Variants in LRRC27 observed in about 807,000 individuals in gnomAD.
LRRC27 encodes leucine rich repeat containing 27.
LRRC27 carries 57 observed loss-of-function variants against 55.0 expected under a neutral mutation model. That is an observed-to-expected ratio of 1.04 (90% CI 0.84 to 1.29). The LOEUF (loss-of-function observed/expected upper bound fraction) is 1.29. LRRC27 is among the 50% of genes most tolerant of loss of function. The pLI is 0.00. For missense variants in LRRC27, 721 were observed against 651.5 expected (o/e 1.11, Z -1.16); for synonymous variants, 278 against 251.9 (o/e 1.10, Z -0.98).
At chr10:132,331,981 G>C, upstream of LRRC27, 1 of 461,360 alleles carries the variant, frequency 2.2e-6, no homozygotes, top group East Asian at 3.8e-5. Context: ...CCCCTCCCGG[G>C]CAGGCGCACC....
rs2069338150 is a variant in LRRC27, at chr10:132,376,428, G to A, written c.*1186G>A. On this transcript the variant is annotated 3_prime_UTR_variant, in exon 11 of 11. Transcript: ENST00000368614. Reference sequence around the variant, plus strand: ...TTCCATTCAGGAAGCTAGAAAAGGTGTCAGTGACCTGTTGCGGCCCAGCGG... The same window carrying A: ...TTCCATTCAGGAAGCTAGAAAAGGTATCAGTGACCTGTTGCGGCCCAGCGG... The A allele has an allele frequency of 6.6e-6, 1 of 152,284 alleles. No homozygotes were observed. Among genetic ancestry groups the A allele is most frequent in the African/African-American group, 2.4e-5 (1 of 41,472 alleles). The allele number at this position is 152,284 out of a possible 1,614,324, so 9.4% of individuals were successfully genotyped here. A position where few individuals can be genotyped will look rare whatever the true frequency, so the allele number is the denominator to read the frequency against.
In LRRC27 at chr10:132,370,293, T is replaced by C. The variant is rs3750854; in HGVS notation, c.1416+4743T>C. On this transcript the variant is annotated intron_variant, in intron 10 of 10. Coordinates refer to ENST00000368614, the MANE Select transcript of LRRC27 (RefSeq NM_030626.3). The stretch of plus-strand genomic sequence containing the variant: ...CACCGGCTCCTGTCGTGTGCCCAAC[T>C]CCAAGTTACTGCCAAGATCCAGGGA... Among the ~76,000 whole-genome samples the C allele has an allele frequency of 8.3e-4, 127 of 152,212 alleles. 2 individuals carry two copies. The East Asian group carries it at 0.021, about 25-fold the overall frequency.
At chr10:132,361,345 C>T (rs773322482) in intron 8 of LRRC27, 112 bp from the exon 9 acceptor site, 24 of 926,474 alleles carry the variant, frequency 2.6e-5, no homozygotes, top group Middle Eastern at 2.2e-4. Flanking sequence ...GGGGCGGCCT[C>T]GGACCCACCT....
intron 8 of LRRC27, among the ~76,000 whole-genome samples, chr10:132,357,261 C>T (rs567966768): frequency 2.5e-4 from 38 of 152,326 alleles, no homozygotes; most frequent in Middle Eastern, 6.8e-3. Context: ...GACACTCAGT[C>T]GCCATCTTTG....
chr10:132,340,267 A>G (rs1262914295), intron 3 of LRRC27, among the ~76,000 whole-genome samples: 2 of 152,250 alleles, frequency 1.3e-5, no homozygotes, highest in African/African-American at 2.4e-5. Flanking sequence ...TTTATCGTTT[A>G]AAGTGTGCTC....
chr10:132,337,859 C>A (rs1396075656), intron 3 of LRRC27, among the ~76,000 whole-genome samples, 164 bp downstream of exon 3: 1 of 152,120 alleles, frequency 6.6e-6, no homozygotes, highest in Non-Finnish European at 1.5e-5. Context: ...CTGAATGTAC[C>A]CAACACAGAA....
At chr10:132,330,672 ATTTTTTTTTT>A (rs57850207), upstream of LRRC27, among the ~76,000 whole-genome samples, 2 of 126,944 alleles carry the variant, frequency 1.6e-5, no homozygotes, top group African/African-American at 6.0e-5. Flanking sequence ...CACACCCAGC[ATTTTTTTTTT>A]TTTTTTTTTT....
chr10:132,367,457 G>A (rs2069125220), intron 10 of LRRC27, among the ~76,000 whole-genome samples: 1 of 152,214 alleles, frequency 6.6e-6, no homozygotes, highest in Non-Finnish European at 1.5e-5. Context: ...GAAAGGAAAA[G>A]TGTAGACCAA....
In LRRC27 at chr10:132,378,652, C is replaced by T. The variant is rs2069370199; in HGVS notation, c.*3410C>T. ...GTGGTTTTAGATTTACGAATCCTGTCTTCTGTTGTGTCCCACAGAAAAACC... is the reference window on the plus strand; with the variant it reads ...GTGGTTTTAGATTTACGAATCCTGTTTTCTGTTGTGTCCCACAGAAAAACC... On this transcript the variant is annotated 3_prime_UTR_variant, in exon 11 of 11. Transcript: ENST00000368614. The T allele has an allele frequency of 6.6e-6, 1 of 152,248 alleles. No homozygotes were observed. The highest frequency in any genetic ancestry group is 1.5e-5 in the Non-Finnish European group (1 of 68,056). 9.4% of individuals were successfully genotyped at this position (152,248 alleles called of 1,614,324 possible).
intron 7 of LRRC27, among the ~76,000 whole-genome samples, chr10:132,354,854 G>A (rs2068234306): frequency 6.6e-6 from 1 of 152,230 alleles, no homozygotes; most frequent in African/African-American, 2.4e-5. Flanking sequence ...ACCAACCACA[G>A]GAGTCCTGCA....
Position 132,364,485 on chromosome 10 carries a change from A to AT in LRRC27, c.1290-939_1290-938insT, listed in dbSNP as rs1564853664. ...CCCACCCACACTTACACCCACCCACACTTACACCCACCCTTACATCTACCT... is the reference window on the plus strand; with the variant it reads ...CCCACCCACACTTACACCCACCCACATCTTACACCCACCCTTACATCTACCT... On this transcript the variant is annotated intron_variant, in intron 9 of 10. Coordinates refer to ENST00000368614, the MANE Select transcript of LRRC27 (RefSeq NM_030626.3). Among the ~76,000 whole-genome samples, 18 of 96,206 alleles carry AT rather than the reference A, an allele frequency of 1.9e-4. 3 individuals are homozygous for AT. The highest frequency in any genetic ancestry group is 5.6e-4 in the East Asian group (2 of 3,592). The allele number at this position is 96,206 out of a possible 152,430, so 63.1% of individuals were successfully genotyped here. A position where few individuals can be genotyped will look rare whatever the true frequency, so the allele number is the denominator to read the frequency against.
Position 132,375,367 on chromosome 10 carries a change from C to CGAAA in LRRC27, c.*126_*127insAAAG. The CGAAA allele has an allele frequency of 3.7e-6, 3 of 821,322 alleles. No individual in the cohort carries two copies. The highest frequency in any genetic ancestry group is 1.8e-5 in the South Asian group (1 of 55,278). 50.9% of individuals were successfully genotyped at this position (821,322 alleles called of 1,614,324 possible). A position where few individuals can be genotyped will look rare whatever the true frequency, so the allele number is the denominator to read the frequency against. On this transcript the variant is annotated 3_prime_UTR_variant, in exon 11 of 11. Transcript: ENST00000368614. ...TCAGTGTTACCCTGAGGGCTGATTT[C>CGAAA]GCGCAGCCTGTTGTTTTCCTTAGAC...
Position 132,348,846 on chromosome 10 carries a change from G to A in LRRC27, c.926+490G>A. The A allele has an allele frequency of 1.5e-6, 1 of 678,286 alleles. No homozygotes were observed. Among genetic ancestry groups the A allele is most frequent in the Admixed American group, 2.5e-5 (1 of 39,808 alleles). The allele number at this position is 678,286 out of a possible 1,614,324, so 42.0% of individuals were successfully genotyped here. On this transcript the variant is annotated intron_variant, in intron 6 of 10. Coordinates refer to ENST00000368614, the MANE Select transcript of LRRC27 (RefSeq NM_030626.3). This position sits in a 1 kb window ranked among gnomAD's most constrained non-coding sequence, Gnocchi z 4.2. ...AAGGTCAGTTATGCAGAAAATAAAT[G>A]GCAGCTGCCTGGGGACAAAAGGAAG... is the stretch of plus-strand genomic sequence containing the variant.
rs1050443420 is a variant in LRRC27 at position 132,366,972 on chromosome 10, G to A, written c.1416+1422G>A. On this transcript the variant is annotated intron_variant, in intron 10 of 10. Transcript: ENST00000368614. The stretch of plus-strand genomic sequence containing the variant: ...TCCTCAGCCCAAGGAGTTTGTATCT[G>A]CCTTTAGATAAACTCTTATTCTTTC... 5.5e-6 allele frequency: 7 copies of A among 1,269,710 alleles called. No homozygotes were observed. The African/African-American group carries it at 9.2e-5, about 17-fold the overall frequency. The allele number at this position is 1,269,710 out of a possible 1,614,324, so 78.7% of individuals were successfully genotyped here.
At chr10:132,347,734 G>A (rs1156540088) in intron 5 of LRRC27, among the ~76,000 whole-genome samples, 3 of 152,186 alleles carry the variant, frequency 2.0e-5, no homozygotes, top group African/African-American at 7.2e-5. Context: ...GTGTGGGAGA[G>A]TCCAGGTGTG....
At chr10:132,364,655 T>G (rs2068929243) in intron 9 of LRRC27, among the ~76,000 whole-genome samples, 1 of 67,144 alleles carries the variant, frequency 1.5e-5, no homozygotes, top group South Asian at 5.2e-4. Context: ...CACCCACACT[T>G]ACATCTACCT....
At chr10:132,336,709 G>A (rs1346004307) in intron 2 of LRRC27, 2 of 726,776 alleles carry the variant, frequency 2.8e-6, no homozygotes, top group African/African-American at 1.7e-5. Context: ...AGGTCACACA[G>A]CCAATAGATT....
At chr10:132,332,633 G>A (rs1430470754) in intron 1 of LRRC27, 1 of 151,974 alleles carries the variant, frequency 6.6e-6, no homozygotes, top group Non-Finnish European at 1.5e-5. Flanking sequence ...CCGTGATTCG[G>A]AGAAAACAAG....
intron 3 of LRRC27, among the ~76,000 whole-genome samples, chr10:132,339,030 G>C (rs926359551): frequency 6.6e-6 from 1 of 152,190 alleles, no homozygotes; most frequent in African/African-American, 2.4e-5. Context: ...CTTTTGACAA[G>C]TGCTGATATG....
Sources: allele counts gnomAD v4.1 joint callset (sites outside exome capture counted in the v4.1 genomes callset), GRCh38; gene constraint gnomAD v4.1.1; non-coding constraint Gnocchi (gnomAD v3.1); transcripts MANE v1.5; gene names NCBI Gene and HGNC (gene_info 2026-07-23, HGNC 2026-07-21).